GRID1: variants seen among roughly 807,000 people sequenced by gnomAD.
The protein encoded by GRID1 is glutamate receptor ionotropic, delta-1.
In GRID1, 28 loss-of-function variants were observed where a neutral mutation model predicts 98.0. That is an observed-to-expected ratio of 0.29 (90% CI 0.21 to 0.39). The LOEUF (loss-of-function observed/expected upper bound fraction) is 0.39, where lower values mean the gene tolerates loss of function less well. Ranked by LOEUF, GRID1 falls within the 10% of genes least tolerant of loss-of-function variation. GRID1 has a pLI of 1.00. For synonymous variants in GRID1, 553 were observed against 538.5 expected, an observed-to-expected ratio of 1.03 and a Z score of -0.37; for missense variants, 1,111 against 1,340.5, an observed-to-expected ratio of 0.83 and a Z score of 2.67.
intron 13 of GRID1, among the ~76,000 whole-genome samples, chr10:85,627,976 A>G (rs1392506211): frequency 6.6e-6 from 1 of 151,990 alleles, no homozygotes. Context: ...GTGAGTAAGC[A>G]GTGTGTGTGC....
At chr10:85,825,596 ATAATT>A (rs1232419239) in intron 8 of GRID1, among the ~76,000 whole-genome samples, 1 of 152,220 alleles carries the variant, frequency 6.6e-6, no homozygotes, top group African/African-American at 2.4e-5. Flanking sequence ...AGGTAAAAGA[ATAATT>A]TATGCTAGAT....
intron 8 of GRID1, among the ~76,000 whole-genome samples, chr10:85,730,382 T>C (rs1841809323): frequency 6.6e-6 from 1 of 152,098 alleles, no homozygotes; most frequent in Admixed American, 6.5e-5. Context: ...ACGACAAAAC[T>C]TTTGTCTGGG....
At chr10:85,609,949 A>G (rs1236941304) in intron 15 of GRID1, among the ~76,000 whole-genome samples, 1 of 152,218 alleles carries the variant, frequency 6.6e-6, no homozygotes, top group Non-Finnish European at 1.5e-5. Flanking sequence ...GATTCCTTAG[A>G]AAAAATATGA....
chr10:85,802,870 CA>C (rs1474338465), intron 8 of GRID1, among the ~76,000 whole-genome samples: 3 of 151,306 alleles, frequency 2.0e-5, no homozygotes, highest in Non-Finnish European at 3.0e-5. Flanking sequence ...CACACACACA[CA>C]CACACACACA....
chr10:85,934,997 C>T (rs1030162381), intron 4 of GRID1, among the ~76,000 whole-genome samples: 2 of 152,134 alleles, frequency 1.3e-5, no homozygotes, highest in Non-Finnish European at 2.9e-5. Context: ...GAAAAAAAGA[C>T]CAGGTATAGA....
intron 12 of GRID1, among the ~76,000 whole-genome samples, chr10:85,694,546 GTGTGTATATATATATATA>G (rs1351060084): frequency 1.7e-4 from 13 of 78,176 alleles, no homozygotes; most frequent in African/African-American, 6.2e-4. Context: ...AGAAAATGTG[GTGTGTATATATATATATA>G]TATATATATA....
At chr10:86,014,282 A>T (rs11201871) in intron 4 of GRID1, among the ~76,000 whole-genome samples, 124,007 of 152,152 alleles carry the variant, frequency 0.82, 50,899 homozygotes, top group African/African-American at 0.91. Context: ...TCATTTTTCA[A>T]ATTGGGCCGT....
intron 2 of GRID1, among the ~76,000 whole-genome samples, chr10:86,332,172 G>A (rs568786745): frequency 1.1e-4 from 16 of 152,334 alleles, no homozygotes; most frequent in East Asian, 1.9e-4. Context: ...GCCGTCCCTG[G>A]CCTCTCCACC....
chr10:86,080,408 GA>G (rs1340922949), intron 4 of GRID1, among the ~76,000 whole-genome samples: 7 of 24,200 alleles, frequency 2.9e-4, no homozygotes, highest in African/African-American at 1.1e-3. Flanking sequence ...GAAGGGAAGG[GA>G]AGGGGAGGGG....
At chr10:85,888,220 A>C (rs1309044611) in intron 5 of GRID1, among the ~76,000 whole-genome samples, 2 of 152,010 alleles carry the variant, frequency 1.3e-5, no homozygotes, top group African/African-American at 4.8e-5. Flanking sequence ...CTGCCCTCAT[A>C]CTCTGGCTGC....
chr10:86,324,907 A>G (rs991850879), intron 2 of GRID1, among the ~76,000 whole-genome samples: 1 of 152,184 alleles, frequency 6.6e-6, no homozygotes, highest in African/African-American at 2.4e-5. Flanking sequence ...CTAGCAAAAA[A>G]TAACCAGAAA....
intron 4 of GRID1, among the ~76,000 whole-genome samples, chr10:86,065,630 C>T (rs1047952618): frequency 6.6e-6 from 1 of 152,210 alleles, no homozygotes; most frequent in Non-Finnish European, 1.5e-5. Context: ...AAAGCCAGGC[C>T]CTTAGTCAGG....
chr10:85,658,178 GTC>G (rs527267266), intron 12 of GRID1, among the ~76,000 whole-genome samples: 53 of 152,234 alleles, frequency 3.5e-4, no homozygotes, highest in Non-Finnish European at 6.6e-4. Context: ...AACAGCCTGA[GTC>G]TCTTCTCTCC....
intron 2 of GRID1, among the ~76,000 whole-genome samples, chr10:86,353,630 C>G (rs2132118458): frequency 6.6e-6 from 1 of 152,332 alleles, no homozygotes; most frequent in Admixed American, 6.5e-5. Flanking sequence ...CTTCACAGAG[C>G]TGGGCCCCAG....
intron 3 of GRID1, among the ~76,000 whole-genome samples, chr10:86,156,210 C>T (rs917803608): frequency 2.6e-5 from 4 of 152,208 alleles, no homozygotes; most frequent in African/African-American, 4.8e-5. Flanking sequence ...CCAGCACATC[C>T]GTCTTCCTCT....
At chr10:86,070,556 T>C in intron 4 of GRID1, among the ~76,000 whole-genome samples, 1 of 152,192 alleles carries the variant, frequency 6.6e-6, no homozygotes, top group East Asian at 1.9e-4. Context: ...AAGGGAATCC[T>C]GCAGGGTGCC....
chr10:85,603,836 G>A (rs1842617398), intron 15 of GRID1, among the ~76,000 whole-genome samples: 1 of 152,188 alleles, frequency 6.6e-6, no homozygotes, highest in South Asian at 2.1e-4. Flanking sequence ...CACCCTGCAG[G>A]TGGTCTCATG....
intron 12 of GRID1, among the ~76,000 whole-genome samples, chr10:85,655,158 T>C (rs1236997638): frequency 6.6e-6 from 1 of 152,140 alleles, no homozygotes; most frequent in Non-Finnish European, 1.5e-5. Flanking sequence ...CTGGAAGACC[T>C]CTTGCACACT....
intron 4 of GRID1, among the ~76,000 whole-genome samples, chr10:86,041,460 C>T (rs2131899233): frequency 6.6e-6 from 1 of 152,278 alleles, no homozygotes; most frequent in Non-Finnish European, 1.5e-5. Context: ...CCTCCCTGGC[C>T]AGTGCTGTGT....
Sources: allele counts gnomAD v4.1 joint callset (sites outside exome capture counted in the v4.1 genomes callset), GRCh38; gene constraint gnomAD v4.1.1; transcripts MANE v1.5; gene names NCBI Gene and HGNC (gene_info 2026-07-23, HGNC 2026-07-21).